The following OTOGL variants were observed in gnomAD, a reference collection of about 807,000 sequenced individuals.
OTOGL encodes otogelin like, also known as otogelin-like protein.
In OTOGL, 285 loss-of-function variants were observed where a neutral mutation model predicts 318.5. That is an observed-to-expected ratio of 0.89 (90% CI 0.81 to 0.99). The LOEUF is 0.99. Ranked by LOEUF, OTOGL falls within the 50% of genes least tolerant of loss-of-function variation. The pLI is 0.00. For missense variants in OTOGL, 2,899 were observed against 2,845.6 expected (o/e 1.02, Z -0.43); for synonymous variants, 987 against 936.5 (o/e 1.05, Z -0.99).
At chr12:80,149,610 C>G (rs1360587069) in intron 1 of OTOGL, among the ~76,000 whole-genome samples, 99 of 152,292 alleles carry the variant, frequency 6.5e-4, no homozygotes, top group African/African-American at 2.2e-3. Flanking sequence ...TTCGAGCTTC[C>G]TGGCTGCTTT....
At chr12:80,195,739 C>T (rs1322758360) in intron 1 of OTOGL, among the ~76,000 whole-genome samples, 2 of 152,084 alleles carry the variant, frequency 1.3e-5, no homozygotes, top group African/African-American at 4.8e-5. Context: ...CCTGGTGGCT[C>T]CTGAATGCCC....
chr12:80,215,294 G>A (rs1355720191), intron 4 of OTOGL, among the ~76,000 whole-genome samples: 5 of 151,376 alleles, frequency 3.3e-5, no homozygotes, highest in African/African-American at 1.2e-4. Context: ...AGCCTCCTGA[G>A]TACTGGGATT....
chr12:80,307,565 C>G, intron 29 of OTOGL, among the ~76,000 whole-genome samples: 1 of 145,084 alleles, frequency 6.9e-6, no homozygotes, highest in South Asian at 2.2e-4. Flanking sequence ...GGGTGGGGGG[C>G]TGACCCCCCA....
intron 29 of OTOGL, among the ~76,000 whole-genome samples, chr12:80,310,342 G>A (rs1315553283): frequency 6.6e-6 from 1 of 152,158 alleles, no homozygotes; most frequent in Non-Finnish European, 1.5e-5. Flanking sequence ...TTTAAGTCAT[G>A]CAAATGCTGT....
chr12:80,356,697 A>G (rs569024882), intron 48 of OTOGL, 110 bp from the exon 49 acceptor site: 1 of 654,592 alleles, frequency 1.5e-6, no homozygotes, highest in Admixed American at 3.8e-5. Flanking sequence ...TATATATATG[A>G]TTAAGAACTT....
Position 80,305,642 on chromosome 12 carries a change from A to G in OTOGL, c.3280A>G (p.Asn1094Asp), listed in dbSNP as rs1886056376. ...TTCAAATGATATGACCACATCTAAT[A>G]ACTTGGAAGTGAGAAATGCTCGGGT... ...CTSNDMTTSNNLEVRNARVFG... is the reference protein window; with the variant it reads ...CTSNDMTTSNDLEVRNARVFG... Residue 1094 changes from asparagine to aspartate, a missense_variant, in exon 29 of 59, where the codon AAC becomes GAC. Asn to Asp is a conservative substitution (Grantham distance 23). Around this residue, in one of 3 missense-constraint regions of OTOGL, gnomAD observed 2,607 missense variants for 2,524.9 expected, o/e 1.03. Transcript: ENST00000547103. The G allele has an allele frequency of 1.3e-6, 2 of 1,584,112 alleles. No individual in the cohort carries two copies. The highest frequency in any genetic ancestry group is 1.7e-6 in the Non-Finnish European group (2 of 1,173,836).
At chr12:80,128,176 T>A (rs1275067653) in intron 1 of OTOGL, among the ~76,000 whole-genome samples, 3 of 152,226 alleles carry the variant, frequency 2.0e-5, no homozygotes, top group African/African-American at 7.2e-5. Flanking sequence ...TGGTTTTATC[T>A]ACCTTTTGTC....
intron 11 of OTOGL, among the ~76,000 whole-genome samples, chr12:80,249,483 C>T (rs1881271480): frequency 1.3e-5 from 2 of 151,436 alleles, no homozygotes; most frequent in South Asian, 2.1e-4. Flanking sequence ...GCTCGGGGGT[C>T]AGGGGTCAGG....
rs557964836 is a variant in OTOGL, at chr12:80,175,515, T to C, written c.-19-33898T>C. Among the ~76,000 whole-genome samples, 16 of 152,316 alleles carry C rather than the reference T, an allele frequency of 1.1e-4. No homozygotes were observed. In the South Asian group the frequency reaches 3.1e-3, roughly 30 times the overall value. On this transcript the variant is annotated intron_variant, in intron 1 of 58. Transcript: ENST00000547103. ...CTTGCAGATAAAGACTCTTAGATATTACAGAGCATAAAAGGAATAAGCATG... is the reference window on the plus strand; with the variant it reads ...CTTGCAGATAAAGACTCTTAGATATCACAGAGCATAAAAGGAATAAGCATG...
intron 1 of OTOGL, among the ~76,000 whole-genome samples, chr12:80,104,834 C>A (rs1168991133): frequency 6.6e-6 from 1 of 152,082 alleles, no homozygotes; most frequent in Non-Finnish European, 1.5e-5. Context: ...GTGGCTCATG[C>A]CTGTAATCAC....
chr12:80,350,418 C>T (rs1007759809), intron 44 of OTOGL, among the ~76,000 whole-genome samples: 4 of 152,108 alleles, frequency 2.6e-5, no homozygotes, highest in African/African-American at 9.7e-5. Flanking sequence ...TGGATATGTA[C>T]GTAGTAGTAG....
At chr12:80,231,631 A>G (rs934139627) in intron 8 of OTOGL, among the ~76,000 whole-genome samples, 14 of 151,720 alleles carry the variant, frequency 9.2e-5, no homozygotes, top group African/African-American at 3.1e-4. Context: ...TTTTTAAAAA[A>G]TATTTTTATT....
chr12:80,257,437 C>T (rs1592618463), intron 17 of OTOGL, among the ~76,000 whole-genome samples: 2 of 151,672 alleles, frequency 1.3e-5, no homozygotes, highest in Non-Finnish European at 2.9e-5. Flanking sequence ...AGGAGGTCAT[C>T]TAAGGCAGTG....
chr12:80,321,365 G>C (rs1451095), intron 34 of OTOGL, among the ~76,000 whole-genome samples: 150,726 of 152,234 alleles, frequency 0.99, 74,632 homozygotes, highest in Middle Eastern at 1. Flanking sequence ...CCTCCTAAAG[G>C]AGTTCAAGAC....
At chr12:80,369,125 T>A (rs542216418) in intron 55 of OTOGL, among the ~76,000 whole-genome samples, 1 of 152,172 alleles carries the variant, frequency 6.6e-6, no homozygotes, top group South Asian at 2.1e-4. Flanking sequence ...TGGTTGCAAA[T>A]GACATTTATA....
At position 80,238,963 on chromosome 12, in the gene OTOGL, A is replaced by T. The variant is rs1275869910; in HGVS notation, c.930A>T (p.Gly310=). 1 of 1,597,174 alleles carries T rather than the reference A, an allele frequency of 6.3e-7. No homozygotes were observed. Among genetic ancestry groups the T allele is most frequent in the African/African-American group, 1.3e-5 (1 of 74,844 alleles). ...ATTTTCCAAATCCGTGCTCCAGTGG[A>T]ATGCCAGCATTTGAGGTAAATTTGA... is the stretch of plus-strand genomic sequence containing the variant. ...PSDFPNPCSS[G]MPAFEAIFFK... is the part of the protein sequence containing the mutation. The change falls in exon 10 of 59, where the codon GGA becomes GGT. Residue 310 remains glycine, a synonymous_variant. Transcript: ENST00000547103.
At chr12:80,270,245 C>T in intron 23 of OTOGL, 91 bp downstream of exon 23, 1 of 1,039,830 alleles carries the variant, frequency 9.6e-7, no homozygotes, top group East Asian at 2.5e-5. Context: ...CTCTTCTTCC[C>T]AATGTGCATG....
intron 20 of OTOGL, chr12:80,265,413 C>G (rs1279471702): frequency 1.6e-6 from 1 of 609,014 alleles, no homozygotes; most frequent in Non-Finnish European, 2.8e-6. Context: ...TAACTTTTGA[C>G]TAGTTTTGTA....
At chr12:80,272,505 G>A (rs988304933) in intron 24 of OTOGL, among the ~76,000 whole-genome samples, 1 of 151,994 alleles carries the variant, frequency 6.6e-6, no homozygotes, top group Admixed American at 6.6e-5. Flanking sequence ...AGAATCTTGT[G>A]GCTATTGGCT....
Sources: gnomAD v4.1 joint callset for allele counts (sites outside exome capture counted in the v4.1 genomes callset) on GRCh38, gnomAD v4.1.1 for gene constraint, gnomAD v4.1.1 regional missense constraint, MANE v1.5 for transcripts, NCBI Gene and HGNC (gene_info 2026-07-23, HGNC 2026-07-21) for gene names.